The following HADHA variants were observed in gnomAD, a reference collection of about 807,000 sequenced individuals.
HADHA encodes the protein trifunctional enzyme subunit alpha, mitochondrial.
A neutral mutation model predicts 91.3 loss-of-function variants in HADHA; 59 were observed. That is an observed-to-expected ratio of 0.65 (90% confidence interval 0.52 to 0.80). HADHA has a LOEUF of 0.80. HADHA is among the 30% of genes least tolerant of loss of function. HADHA has a pLI of 0.00. For missense variants in HADHA, 800 were observed against 927.6 expected (o/e 0.86, Z 1.79); for synonymous variants, 320 against 338.9 (o/e 0.94, Z 0.61).
Position 26,232,168 on chromosome 2 carries a change from G to A in HADHA, c.565C>T (p.Pro189Ser). The A allele has an allele frequency of 6.2e-7, 1 of 1,610,628 alleles. No individual in the cohort carries two copies. Among genetic ancestry groups the A allele is most frequent in the Non-Finnish European group, 8.5e-7 (1 of 1,176,892 alleles). ...LPGAGGTQRLPKMVGVPAALD... is the reference protein window; with the variant it reads ...LPGAGGTQRLSKMVGVPAALD... Reference sequence around the variant, plus strand: ...GGGGATGTTAGACTCACCATTTTGGGCAGCCTTTGTGTGCCTCCTGCTCCT... The same window carrying A: ...GGGGATGTTAGACTCACCATTTTGGACAGCCTTTGTGTGCCTCCTGCTCCT... The change falls in exon 6 of 20, where the codon CCC (proline) becomes TCC (serine). Residue 189 changes from proline to serine, a missense_variant. Transcript: ENST00000380649.
rs1670062261 is a variant in HADHA, at chr2:26,210,012, C to T, written c.976-123G>A. The stretch of plus-strand genomic sequence containing the variant: ...TGTGAAGCCTGAGTCCCTGGGGATG[C>T]GGGGGAGTTTGGGGGTTCAGTGCTG... On this transcript the variant is annotated intron_variant, in intron 10 of 19. Coordinates refer to ENST00000380649, the MANE Select transcript of HADHA (RefSeq NM_000182.5). This position sits in a 1 kb window ranked among gnomAD's most constrained non-coding sequence, Gnocchi z 4.0. 5.5e-6 allele frequency: 4 copies of T among 726,104 alleles called. No individual in the cohort carries two copies. Among genetic ancestry groups the T allele is most frequent in the Admixed American group, 3.9e-5 (2 of 51,928 alleles). 45.0% of individuals were successfully genotyped at this position (726,104 alleles called of 1,614,324 possible).
At position 26,191,647 on chromosome 2, in the gene HADHA, G is replaced by C; in HGVS notation, c.2001-19C>G. On this transcript the variant is annotated intron_variant, in intron 18 of 19. Transcript: ENST00000380649. ...TGATGAGCTGCCAACAGAAAGAGAT[G>C]TTTAGGTAGAAGAAGAGGAAAAGGG... The C allele has an allele frequency of 3.7e-6, 6 of 1,613,500 alleles. No individual in the cohort carries two copies. The highest frequency in any genetic ancestry group is 5.1e-6 in the Non-Finnish European group (6 of 1,179,482).
chr2:26,223,029 T>A (rs1225664822), intron 7 of HADHA, among the ~76,000 whole-genome samples: 3 of 152,202 alleles, frequency 2.0e-5, no homozygotes, highest in Non-Finnish European at 2.9e-5. Flanking sequence ...TTACCCCTAG[T>A]GATCTAATCT....
At chr2:26,234,844 T>TA (rs1380199155) in intron 4 of HADHA, among the ~76,000 whole-genome samples, 1 of 152,144 alleles carries the variant, frequency 6.6e-6, no homozygotes, top group African/African-American at 2.4e-5. Context: ...AATAAATCAT[T>TA]AAATTACAAA....
Position 26,221,722 on chromosome 2 carries a change from G to C in HADHA, c.677-6547C>G, listed in dbSNP as rs1439081921. ...GTAAAGAAAAACTCAGGCCTGGTTT[G>C]TAGATATTTCTGTGTGATACGCAGG... On this transcript the variant is annotated intron_variant, in intron 7 of 19. Transcript: ENST00000380649. The surrounding 1 kb of genome is among the most constrained non-coding windows in gnomAD (Gnocchi z 4.8). Among the ~76,000 whole-genome samples the C allele has an allele frequency of 6.6e-6, 1 of 152,164 alleles. No homozygotes were observed. Among genetic ancestry groups the C allele is most frequent in the Non-Finnish European group, 1.5e-5 (1 of 68,030 alleles).
chr2:26,242,746 C>A (rs1670928647), intron 1 of HADHA, among the ~76,000 whole-genome samples: 1 of 152,138 alleles, frequency 6.6e-6, no homozygotes, highest in East Asian at 1.9e-4. Flanking sequence ...AAGTCAGACT[C>A]CAAACAATGT....
intron 5 of HADHA, 127 bp downstream of exon 5, chr2:26,234,090 A>G: frequency 2.1e-6 from 2 of 947,216 alleles, no homozygotes; most frequent in Non-Finnish European, 3.3e-6. Context: ...TCAAAGCAAA[A>G]AACAAAAAAC....
chr2:26,242,755 G>GT (rs897695265), intron 1 of HADHA, among the ~76,000 whole-genome samples: 65 of 152,164 alleles, frequency 4.3e-4, no homozygotes, highest in African/African-American at 8.9e-4. Context: ...TCCAAACAAT[G>GT]TTTTTTTTGT....
At chr2:26,238,308 T>C (rs1351527082) in intron 3 of HADHA, among the ~76,000 whole-genome samples, 2 of 152,180 alleles carry the variant, frequency 1.3e-5, no homozygotes, top group African/African-American at 4.8e-5. Flanking sequence ...CCAGCCTGGC[T>C]ACAAGATTTT....
chr2:26,215,423 GAATGTAGTA>G (rs1171555446), intron 7 of HADHA, among the ~76,000 whole-genome samples: 1 of 152,170 alleles, frequency 6.6e-6, no homozygotes, highest in Non-Finnish European at 1.5e-5. Context: ...CTTCTGAGTA[GAATGTAGTA>G]TGTAACACAC....
At chr2:26,236,044 T>G (rs1296856603) in intron 4 of HADHA, among the ~76,000 whole-genome samples, 1 of 152,248 alleles carries the variant, frequency 6.6e-6, no homozygotes, top group East Asian at 1.9e-4. Context: ...AATTATTCCA[T>G]GTTTGGTTTT....
In HADHA at chr2:26,190,892, A is replaced by ATTGT. The variant is rs575072564; in HGVS notation, c.*354_*357dup. On this transcript the variant is annotated 3_prime_UTR_variant, in exon 20 of 20. Transcript: ENST00000380649. ...GATGCTGACACAGAGTTTGGTTTTT[A>ATTGT]TTGTTATGTGTTTGGCTGGGTGCAG... The ATTGT allele has an allele frequency of 8.1e-6, 3 of 370,626 alleles. No individual in the cohort carries two copies. The highest frequency in any genetic ancestry group is 1.5e-5 in the Non-Finnish European group (3 of 198,776). 23.0% of individuals were successfully genotyped at this position (370,626 alleles called of 1,614,324 possible). A position where few individuals can be genotyped will look rare whatever the true frequency, so the allele number is the denominator to read the frequency against.
chr2:26,228,036 C>CT lies in HADHA; in HGVS notation c.676+2155dup, dbSNP rs1223148041. 3.3e-5 allele frequency among the ~76,000 whole-genome samples: 5 copies of CT among 151,336 alleles called. No individual in the cohort carries two copies. The South Asian group carries it at 6.3e-4, about 19-fold the overall frequency. The stretch of plus-strand genomic sequence containing the variant: ...GTCTTGCTATGTTGCTCAGGCCAAA[C>CT]TTTTTTTTTCAAAAGCTAATATATA... On this transcript the variant is annotated intron_variant, in intron 7 of 19. Coordinates refer to ENST00000380649, the MANE Select transcript of HADHA (RefSeq NM_000182.5).
Position 26,191,068 on chromosome 2 carries a change from G to T in HADHA, c.*182C>A. On this transcript the variant is annotated 3_prime_UTR_variant, in exon 20 of 20. Transcript: ENST00000380649. ...TCCAACAGGAAGTGCAAACTAATTCGAAGTCACACTTCACCAGGAGGGAGA... is the reference window on the plus strand; with the variant it reads ...TCCAACAGGAAGTGCAAACTAATTCTAAGTCACACTTCACCAGGAGGGAGA... 1.5e-6 allele frequency: 1 copy of T among 670,360 alleles called. No individual in the cohort carries two copies. The highest frequency in any genetic ancestry group is 2.7e-5 in the East Asian group (1 of 36,858). The allele number at this position is 670,360 out of a possible 1,614,324, so 41.5% of individuals were successfully genotyped here. A position where few individuals can be genotyped will look rare whatever the true frequency, so the allele number is the denominator to read the frequency against.
intron 3 of HADHA, among the ~76,000 whole-genome samples, chr2:26,237,387 G>T (rs1670787901): frequency 6.6e-6 from 1 of 152,176 alleles, no homozygotes; most frequent in Admixed American, 6.5e-5. Flanking sequence ...TGCACTTTGG[G>T]AGGCCAAGGT....
intron 7 of HADHA, among the ~76,000 whole-genome samples, chr2:26,220,679 T>A (rs957319294): frequency 4.6e-5 from 7 of 152,388 alleles, no homozygotes; most frequent in Non-Finnish European, 5.9e-5. Context: ...ACAAAAGCTT[T>A]TTTTTCTTGG....
rs1001518961 is a variant in HADHA, at chr2:26,191,011, G to A, written c.*239C>T. 4.6e-5 allele frequency: 27 copies of A among 590,798 alleles called. No individual in the cohort carries two copies. Among genetic ancestry groups the A allele is most frequent in the East Asian group, 2.6e-4 (9 of 34,396 alleles). 36.6% of individuals were successfully genotyped at this position (590,798 alleles called of 1,614,324 possible). A position where few individuals can be genotyped will look rare whatever the true frequency, so the allele number is the denominator to read the frequency against. On this transcript the variant is annotated 3_prime_UTR_variant, in exon 20 of 20. Transcript: ENST00000380649. ...GCTCTTGGCTGCCACTCTAGGCCTC[G>A]GGGCTTATACAATGAGCAGTGGGCT...
chr2:26,206,930 G>C, intron 11 of HADHA, among the ~76,000 whole-genome samples: 1 of 151,916 alleles, frequency 6.6e-6, no homozygotes, highest in East Asian at 1.9e-4. Context: ...AGGCATGGTG[G>C]CACATGCCTA....
At chr2:26,240,629 A>C (rs1384847489) in intron 1 of HADHA, among the ~76,000 whole-genome samples, 1 of 152,176 alleles carries the variant, frequency 6.6e-6, no homozygotes, top group Non-Finnish European at 1.5e-5. Context: ...AAATAGAGTG[A>C]GCATGGGTTG....
Sources: allele counts gnomAD v4.1 joint callset (sites outside exome capture counted in the v4.1 genomes callset), GRCh38; gene constraint gnomAD v4.1.1; non-coding constraint Gnocchi (gnomAD v3.1); transcripts MANE v1.5; gene names NCBI Gene and HGNC (gene_info 2026-07-23, HGNC 2026-07-21).